The following DMBT1 variants were observed in gnomAD, a reference collection of about 807,000 sequenced individuals.
DMBT1 encodes deleted in malignant brain tumors 1, also known as scavenger receptor cysteine-rich domain-containing protein DMBT1.
DMBT1 carries 198 observed loss-of-function variants against 252.9 expected under a neutral mutation model. The observed-to-expected ratio is 0.78, with a 90% CI of 0.70 to 0.88. DMBT1 has a LOEUF of 0.88. Among genes scored for constraint, DMBT1 ranks in the 40% least tolerant of loss-of-function variants. The pLI, the probability that DMBT1 is intolerant of heterozygous loss-of-function variation, is 0.00. For missense variants in DMBT1, 2,432 were observed against 2,404.7 expected (o/e 1.01, Z -0.24); for synonymous variants, 990 against 942.7 (o/e 1.05, Z -0.92).
chr10:122,571,097 A>G (rs939140819), intron 4 of DMBT1, among the ~76,000 whole-genome samples, 160 bp downstream of exon 4: 7 of 152,224 alleles, frequency 4.6e-5, no homozygotes, highest in African/African-American at 1.7e-4. Context: ...TGTGCAACTC[A>G]GAGTCAATAT....
intron 54 of DMBT1, among the ~76,000 whole-genome samples, chr10:122,638,620 T>G (rs1230014368): frequency 2.0e-5 from 3 of 152,156 alleles, no homozygotes. Context: ...TAACAAATTT[T>G]TTTTTGTAGA....
At chr10:122,565,604 G>A (rs553843275) in intron 1 of DMBT1, among the ~76,000 whole-genome samples, 970 of 83,016 alleles carry the variant, frequency 0.012, 6 homozygotes, top group African/African-American at 0.032. Context: ...CTGAGTGGCT[G>A]TTGTCAATGC....
Position 122,573,206 on chromosome 10 carries a change from A to G in DMBT1, c.236-509A>G, listed in dbSNP as rs1259716208. On this transcript the variant is annotated intron_variant, in intron 5 of 55. Coordinates refer to ENST00000338354, the MANE Select transcript of DMBT1 (RefSeq NM_001377530.1). ...GGGGTGTGTCCTTGGTAATCCAACCACCAAGTGGGACTGGGCTCCCCAAGG... is the reference window on the plus strand; with the variant it reads ...GGGGTGTGTCCTTGGTAATCCAACCGCCAAGTGGGACTGGGCTCCCCAAGG... Among the ~76,000 whole-genome samples, 33 of 152,178 alleles carry G rather than the reference A, an allele frequency of 2.2e-4. 1 individual carries two copies. The highest frequency in any genetic ancestry group is 2.1e-3 in the Admixed American group (32 of 15,280).
At chr10:122,566,318 C>G (rs59369880) in intron 2 of DMBT1, among the ~76,000 whole-genome samples, 1 of 77,538 alleles carries the variant, frequency 1.3e-5, no homozygotes. Context: ...TTTTCTTTTT[C>G]TTTTTTCTTT....
rs948287203 is a variant in DMBT1 at position 122,633,457 on chromosome 10, G to A, written c.6548+116G>A. 5 of 1,485,302 alleles carry A rather than the reference G, an allele frequency of 3.4e-6. No homozygotes were observed. The African/African-American group carries it at 7.0e-5, about 21-fold the overall frequency. The allele number at this position is 1,485,302 out of a possible 1,614,324, so 92.0% of individuals were successfully genotyped here. ...TTGGGGCCCCACAGACCTTTCAAGA[G>A]GGAATAAATGGTGCTTAGAAAGCCA... On this transcript the variant is annotated intron_variant, in intron 52 of 55. Transcript: ENST00000338354.
chr10:122,630,860 A>C, intron 48 of DMBT1, 101 bp from the exon 49 acceptor site: 2 of 1,302,864 alleles, frequency 1.5e-6, no homozygotes, highest in Non-Finnish European at 2.1e-6. Context: ...TGGCGACTTT[A>C]GAGGTGGGAA....
At chr10:122,620,986 A>G (rs1202542546) in intron 43 of DMBT1, 71 bp from the exon 44 acceptor site, 1 of 1,597,362 alleles carries the variant, frequency 6.3e-7, no homozygotes, top group Non-Finnish European at 8.5e-7. Context: ...AAGTGCCCTG[A>G]GTGTGGAACA....
At chr10:122,625,086 G>T (rs1345639604) in intron 44 of DMBT1, among the ~76,000 whole-genome samples, 191 bp from the exon 45 acceptor site, 1 of 152,152 alleles carries the variant, frequency 6.6e-6, no homozygotes, top group African/African-American at 2.4e-5. Context: ...CTACTTTCAG[G>T]CTGTAAGAAT....
At chr10:122,574,736 G>T (rs1336626327) in intron 6 of DMBT1, among the ~76,000 whole-genome samples, 1 of 152,144 alleles carries the variant, frequency 6.6e-6, no homozygotes, top group Non-Finnish European at 1.5e-5. Flanking sequence ...ACATGTTAAG[G>T]ACCACACCTT....
chr10:122,639,658 C>A (rs950657023), intron 54 of DMBT1, among the ~76,000 whole-genome samples: 9 of 152,300 alleles, frequency 5.9e-5, no homozygotes, highest in African/African-American at 2.2e-4. Flanking sequence ...GGCTTGGGCT[C>A]AGAGGCCTGA....
rs184219040 is a variant in DMBT1 at position 122,579,883 on chromosome 10, G to T, written c.985G>T (p.Ala329Ser). Residue 329 changes from alanine (A) to serine (S), a missense_variant, in exon 10 of 56, where the codon GCT (alanine) becomes TCT (serine). By Grantham distance (99) the Ala-to-Ser change is moderately conservative. Coordinates refer to ENST00000338354, the MANE Select transcript of DMBT1 (RefSeq NM_001377530.1). ...LTHNCGHSED[A>S]GVICSAPQSR... ...CCACAACTGTGGCCATAGTGAAGAC[G>T]CTGGTGTCATCTGCTCAGGTGGGCC... The T allele has an allele frequency of 5.1e-5, 82 of 1,613,716 alleles. No individual in the cohort carries two copies. Among genetic ancestry groups the T allele is most frequent in the Non-Finnish European group, 6.3e-5 (74 of 1,179,770 alleles).
At chr10:122,593,091 G>A (rs1029941683) in intron 20 of DMBT1, among the ~76,000 whole-genome samples, 5 of 148,910 alleles carry the variant, frequency 3.4e-5, no homozygotes, top group African/African-American at 1.2e-4. Flanking sequence ...TATCAGGCCT[G>A]GGTTGTGTGA....
At position 122,636,154 on chromosome 10, in the gene DMBT1, G is replaced by T. The variant is rs772671261; in HGVS notation, c.6712G>T (p.Gly2238Trp). The T allele has an allele frequency of 6.2e-7, 1 of 1,613,840 alleles. No individual in the cohort carries two copies. Among genetic ancestry groups the T allele is most frequent in the Non-Finnish European group, 8.5e-7 (1 of 1,179,886 alleles). Residue 2238 changes from glycine to tryptophan, a missense_variant, in exon 53 of 56, where the codon GGG becomes TGG. This residue lies in a region of DMBT1 where 1,162 missense variants were observed against 1,169.0 expected (regional missense o/e 0.99). Transcript: ENST00000338354. ...CAGTGACCACAGCATCACAAGGAGA[G>T]GGTTCCGGGCTGAGTACTACTCCAG... ...FISDHSITRR[G>W]FRAEYYSSPS...
chr10:122,621,928 T>C (rs2098073825), intron 44 of DMBT1, among the ~76,000 whole-genome samples: 3 of 152,168 alleles, frequency 2.0e-5, no homozygotes, highest in African/African-American at 7.2e-5. Flanking sequence ...GCATTGTGTG[T>C]CTAGCAAGCA....
intron 19 of DMBT1, among the ~76,000 whole-genome samples, chr10:122,591,923 C>T (rs1006519903): frequency 6.7e-6 from 1 of 149,076 alleles, no homozygotes; most frequent in Non-Finnish European, 1.5e-5. Context: ...GAGAGGACCA[C>T]GTGGGTGCCA....
chr10:122,624,792 A>G (rs1185223264), intron 44 of DMBT1, among the ~76,000 whole-genome samples: 1 of 152,184 alleles, frequency 6.6e-6, no homozygotes, highest in Non-Finnish European at 1.5e-5. Flanking sequence ...TGCCCGCACA[A>G]TGGCTGGCTC....
At chr10:122,619,442 G>A (rs187816552) in intron 42 of DMBT1, 105 bp downstream of exon 42, 511 of 1,483,406 alleles carry the variant, frequency 3.4e-4, no homozygotes, top group Middle Eastern at 1.4e-3. Flanking sequence ...ATACTGTGGG[G>A]CATATTATTT....
At chr10:122,580,044 A>C (rs761282443) in intron 10 of DMBT1, 143 bp downstream of exon 10, 51 of 1,465,608 alleles carry the variant, frequency 3.5e-5, no homozygotes, top group Non-Finnish European at 4.0e-5. Flanking sequence ...CTAAGAATCC[A>C]TATGTACTCA....
intron 2 of DMBT1, among the ~76,000 whole-genome samples, chr10:122,566,307 T>C (rs1166567745): frequency 1.1e-5 from 1 of 93,588 alleles, no homozygotes; most frequent in Non-Finnish European, 2.3e-5. Context: ...CTTTTCTTTT[T>C]TTTTCTTTTT....
Sources: gnomAD v4.1 joint callset for allele counts (sites outside exome capture counted in the v4.1 genomes callset) on GRCh38, gnomAD v4.1.1 for gene constraint, gnomAD v4.1.1 regional missense constraint, MANE v1.5 for transcripts, NCBI Gene and HGNC (gene_info 2026-07-23, HGNC 2026-07-21) for gene names.